The following UBE2D2 variants were observed in gnomAD, a reference collection of about 807,000 sequenced individuals.
UBE2D2 encodes ubiquitin conjugating enzyme E2 D2, also known as ubiquitin-conjugating enzyme E2 D2.
Under a neutral mutation model 24.2 loss-of-function variants are expected in UBE2D2, and 2 were observed. That is an observed-to-expected ratio of 0.08 (90% CI 0.03 to 0.26). The LOEUF (loss-of-function observed/expected upper bound fraction) is 0.26, where lower values mean the gene tolerates loss of function less well. UBE2D2 is among the 10% of genes least tolerant of loss of function. UBE2D2 has a pLI of 1.00. For missense variants in UBE2D2, 44 were observed against 177.6 expected (o/e 0.25, Z 4.28); for synonymous variants, 58 against 56.5 (o/e 1.03, Z -0.12).
At chr5:139,569,748 G>A (rs969274130) in intron 1 of UBE2D2, among the ~76,000 whole-genome samples, 1 of 152,200 alleles carries the variant, frequency 6.6e-6, no homozygotes, top group African/African-American at 2.4e-5. Flanking sequence ...CCAGGTAAGA[G>A]TAGGTCTGAA....
intron 1 of UBE2D2, among the ~76,000 whole-genome samples, chr5:139,554,179 A>T: frequency 6.7e-6 from 1 of 149,488 alleles, no homozygotes; most frequent in Admixed American, 6.7e-5. Flanking sequence ...CCTTGATCGC[A>T]TTTTTTTTTT....
At position 139,596,978 on chromosome 5, in the gene UBE2D2, C is replaced by T. The variant is rs554805017; in HGVS notation, c.25-3394C>T. Among the ~76,000 whole-genome samples, 164 of 151,730 alleles carry T rather than the reference C, an allele frequency of 1.1e-3. 1 individual carries two copies. Among genetic ancestry groups the T allele is most frequent in the Middle Eastern group, 3.4e-3 (1 of 294 alleles). On this transcript the variant is annotated intron_variant, in intron 1 of 6. Coordinates refer to ENST00000398733, the MANE Select transcript of UBE2D2 (RefSeq NM_003339.3). ...AGGAGAATGGCGTGAACCCGGGAGG[C>T]GGAGCTTGCAGTGAGCCAAGATCGT...
intron 2 of UBE2D2, among the ~76,000 whole-genome samples, chr5:139,603,623 GAAAAAAAAA>G (rs1169340176): frequency 2.7e-5 from 1 of 37,230 alleles, no homozygotes; most frequent in Non-Finnish European, 4.7e-5. Flanking sequence ...CTCTGTCTCC[GAAAAAAAAA>G]AAAAAAAAAA....
At chr5:139,594,259 T>C (rs2126679396) in intron 1 of UBE2D2, among the ~76,000 whole-genome samples, 1 of 152,306 alleles carries the variant, frequency 6.6e-6, no homozygotes, top group African/African-American at 2.4e-5. Context: ...CTCAAGGATA[T>C]AGTGAAAGGG....
At chr5:139,570,954 A>G (rs765549707) in intron 1 of UBE2D2, among the ~76,000 whole-genome samples, 1 of 152,242 alleles carries the variant, frequency 6.6e-6, no homozygotes, top group Non-Finnish European at 1.5e-5. Context: ...CTCCCTAGGC[A>G]GAGCAGCCTC....
At chr5:139,550,740 C>A (rs974025219) in intron 1 of UBE2D2, among the ~76,000 whole-genome samples, 1 of 151,874 alleles carries the variant, frequency 6.6e-6, no homozygotes, top group African/African-American at 2.4e-5. Flanking sequence ...GACGCGCTGC[C>A]TTAAGAGGTG....
chr5:139,608,629 A>T (rs1361713015), intron 2 of UBE2D2, among the ~76,000 whole-genome samples: 1 of 152,054 alleles, frequency 6.6e-6, no homozygotes, highest in Non-Finnish European at 1.5e-5. Flanking sequence ...TTCTTTCCAT[A>T]ATTATAAACA....
chr5:139,609,066 G>T (rs372946522), intron 2 of UBE2D2, among the ~76,000 whole-genome samples: 2 of 151,114 alleles, frequency 1.3e-5, no homozygotes, highest in African/African-American at 4.9e-5. Context: ...CAGCCCAGGC[G>T]ACAGAGCGAG....
At chr5:139,576,943 C>CTT (rs11418234) in intron 1 of UBE2D2, among the ~76,000 whole-genome samples, 4,423 of 91,596 alleles carry the variant, frequency 0.048, 146 homozygotes, top group South Asian at 0.11. Flanking sequence ...TGGATCTGGC[C>CTT]TTTTTTTTTT....
intron 2 of UBE2D2, among the ~76,000 whole-genome samples, chr5:139,606,851 C>G (rs1754210646): frequency 6.6e-6 from 1 of 152,186 alleles, no homozygotes. Context: ...CGTCGCCCCC[C>G]TGGAGTGTAG....
chr5:139,548,429 A>G (rs1320053119), intron 1 of UBE2D2, among the ~76,000 whole-genome samples: 1 of 151,786 alleles, frequency 6.6e-6, no homozygotes, highest in African/African-American at 2.4e-5. Flanking sequence ...CCTGCAGGAA[A>G]CGATCCATCC....
intron 1 of UBE2D2, among the ~76,000 whole-genome samples, chr5:139,529,891 T>A (rs1752581403): frequency 6.6e-6 from 1 of 152,172 alleles, no homozygotes. Flanking sequence ...TCACCTCATG[T>A]TATGTCTGTG....
intron 1 of UBE2D2, among the ~76,000 whole-genome samples, chr5:139,550,956 C>T (rs1581485967): frequency 6.6e-6 from 1 of 152,284 alleles, no homozygotes; most frequent in East Asian, 1.9e-4. Context: ...ATTCCAGATA[C>T]ACCACAGTAT....
At chr5:139,556,344 G>A (rs1394937708), upstream of UBE2D2, among the ~76,000 whole-genome samples, 2 of 152,056 alleles carry the variant, frequency 1.3e-5, no homozygotes, top group East Asian at 3.8e-4. Context: ...GGAGGTGGAG[G>A]TTGCAGTGAG....
intron 1 of UBE2D2, among the ~76,000 whole-genome samples, chr5:139,549,734 G>C (rs897064206): frequency 1.3e-5 from 2 of 152,232 alleles, no homozygotes; most frequent in Non-Finnish European, 2.9e-5. Context: ...GTGCAGCTGC[G>C]CAGAGCGGGA....
intron 6 of UBE2D2, among the ~76,000 whole-genome samples, chr5:139,625,633 T>G (rs1754610119): frequency 6.8e-6 from 1 of 147,654 alleles, no homozygotes; most frequent in African/African-American, 2.5e-5. Context: ...TGAGACAGAG[T>G]CTTGCTCCGT....
At chr5:139,581,037 C>T (rs1339982902) in intron 1 of UBE2D2, among the ~76,000 whole-genome samples, 1 of 152,094 alleles carries the variant, frequency 6.6e-6, no homozygotes, top group Non-Finnish European at 1.5e-5. Context: ...CTGGGAAGGT[C>T]TCTAAGGGCA....
At chr5:139,608,534 C>A in intron 2 of UBE2D2, among the ~76,000 whole-genome samples, 1 of 150,502 alleles carries the variant, frequency 6.6e-6, no homozygotes, top group East Asian at 2.0e-4. Flanking sequence ...GCAGGCAGAT[C>A]GCTTGAGCCC....
chr5:139,579,242 G>A (rs1011005284), intron 1 of UBE2D2, among the ~76,000 whole-genome samples: 3 of 152,128 alleles, frequency 2.0e-5, no homozygotes, highest in Non-Finnish European at 4.4e-5. Context: ...CTGCCTCCCC[G>A]GTTCAAGCAA....
Sources: allele counts gnomAD v4.1 joint callset (sites outside exome capture counted in the v4.1 genomes callset), GRCh38; gene constraint gnomAD v4.1.1; transcripts MANE v1.5; gene names NCBI Gene and HGNC (gene_info 2026-07-23, HGNC 2026-07-21).